SLC9B1: variants seen among roughly 807,000 people sequenced by gnomAD.
SLC9B1 encodes solute carrier family 9 member B1.
A neutral mutation model predicts 51.7 loss-of-function variants in SLC9B1; 32 were observed. The ratio of observed to expected loss-of-function variants is 0.62; its 90% CI spans 0.47 to 0.83. SLC9B1 has a LOEUF of 0.83. Ranked by LOEUF, SLC9B1 falls within the 40% of genes least tolerant of loss-of-function variation. The pLI, the probability that SLC9B1 is intolerant of heterozygous loss-of-function variation, is 0.00. For synonymous variants in SLC9B1, 145 were observed against 212.7 expected (o/e 0.68, Z 2.77); for missense variants, 406 against 613.2 (o/e 0.66, Z 3.57).
In SLC9B1 at chr4:102,885,080, T is replaced by G. The variant is rs550618386; in HGVS notation, c.*153A>C. On this transcript the variant is annotated 3_prime_UTR_variant, in exon 12 of 12. Coordinates refer to the SLC9B1 transcript ENST00000394789. ...AGAGCTGGCTTTATTGTGTTATTTA[T>G]TCACAGTTTTATGGATCCATTAAAA... 4.1e-6 allele frequency: 3 copies of G among 730,636 alleles called. No individual in the cohort carries two copies. The South Asian group carries it at 4.5e-5, about 11-fold the overall frequency. The allele number at this position is 730,636 out of a possible 1,614,324, so 45.3% of individuals were successfully genotyped here. A position where few individuals can be genotyped will look rare whatever the true frequency, so the allele number is the denominator to read the frequency against.
At chr4:102,901,355 G>C (rs1156533356) in intron 11 of SLC9B1, 23 bp from the exon 12 acceptor site, 1 of 1,610,264 alleles carries the variant, frequency 6.2e-7, no homozygotes, top group African/African-American at 1.3e-5. Context: ...GTAAAAATGG[G>C]GCATAAAGAA....
intron 1 of SLC9B1, among the ~76,000 whole-genome samples, chr4:103,005,120 G>GC (rs1740713413): frequency 6.6e-6 from 1 of 151,938 alleles, no homozygotes; most frequent in Non-Finnish European, 1.5e-5. Flanking sequence ...TGAGCCAAAT[G>GC]CCCCAATTAA....
intron 3 of SLC9B1, among the ~76,000 whole-genome samples, chr4:102,969,144 A>C (rs1738602163): frequency 6.6e-6 from 1 of 152,230 alleles, no homozygotes; most frequent in Non-Finnish European, 1.5e-5. Flanking sequence ...ACTTCTGCAG[A>C]CTTAAACGTC....
At chr4:102,950,327 G>A (rs1737483691) in intron 3 of SLC9B1, among the ~76,000 whole-genome samples, 2 of 152,202 alleles carry the variant, frequency 1.3e-5, no homozygotes, top group South Asian at 4.1e-4. Context: ...TGTGTAGGAA[G>A]TAGAGGTAGA....
rs200515731 is a variant in SLC9B1, at chr4:102,926,778, G to A, written c.829+5346C>T. The stretch of plus-strand genomic sequence containing the variant: ...AAAGTTCATATGGAACCAAAAAAGA[G>A]CCTGCATTGCCAAGACAATCCTAAG... On this transcript the variant is annotated intron_variant, in intron 7 of 11. Transcript: ENST00000296422. Among the ~76,000 whole-genome samples the A allele has an allele frequency of 1.9e-3, 286 of 150,144 alleles. 1 individual carries two copies. The highest frequency in any genetic ancestry group is 0.011 in the Middle Eastern group (3 of 282).
At chr4:103,012,103 T>C (rs1309231037) in intron 1 of SLC9B1, among the ~76,000 whole-genome samples, 3 of 152,246 alleles carry the variant, frequency 2.0e-5, no homozygotes, top group Non-Finnish European at 4.4e-5. Flanking sequence ...TTTTTGATTA[T>C]AAATTCCATC....
chr4:102,885,941 A>T (rs1422711946), intron 11 of SLC9B1, among the ~76,000 whole-genome samples: 23 of 152,204 alleles, frequency 1.5e-4, no homozygotes, highest in Admixed American at 1.5e-3. Flanking sequence ...ATGATTTTTA[A>T]TGTGGGAAGG....
At chr4:102,973,683 C>A (rs933221698) in intron 3 of SLC9B1, among the ~76,000 whole-genome samples, 1 of 152,020 alleles carries the variant, frequency 6.6e-6, no homozygotes, top group Non-Finnish European at 1.5e-5. Context: ...GTGGCTTATA[C>A]TCTGTAACTA....
At chr4:102,957,243 A>G (rs111916218) in intron 3 of SLC9B1, among the ~76,000 whole-genome samples, 283 of 152,344 alleles carry the variant, frequency 1.9e-3, no homozygotes, top group African/African-American at 6.6e-3. Context: ...GAGAGATAAG[A>G]GGGCAGAAAA....
At chr4:102,927,058 T>C (rs1736221429) in intron 7 of SLC9B1, among the ~76,000 whole-genome samples, 1 of 152,206 alleles carries the variant, frequency 6.6e-6, no homozygotes, top group Non-Finnish European at 1.5e-5. Flanking sequence ...TGTAGAAAGC[T>C]GAAACTGGAT....
chr4:102,895,804 A>G (rs1314894727), intron 11 of SLC9B1, among the ~76,000 whole-genome samples: 1 of 152,188 alleles, frequency 6.6e-6, no homozygotes, highest in African/African-American at 2.4e-5. Context: ...CAGTAAACAA[A>G]TCTAAAAGAA....
chr4:102,889,926 C>T (rs1218785224), intron 11 of SLC9B1: 1 of 152,082 alleles, frequency 6.6e-6, no homozygotes, highest in Non-Finnish European at 1.5e-5. Flanking sequence ...AGTAACTTGG[C>T]TCTTGAAATA....
chr4:102,900,218 G>A (rs186735334), downstream of SLC9B1, among the ~76,000 whole-genome samples: 70 of 152,224 alleles, frequency 4.6e-4, no homozygotes, highest in African/African-American at 1.3e-3. Context: ...TTTTAGAATC[G>A]TTTATATGAC....
chr4:102,933,806 C>G (rs1341599464), intron 6 of SLC9B1, among the ~76,000 whole-genome samples: 1 of 152,060 alleles, frequency 6.6e-6, no homozygotes, highest in African/African-American at 2.4e-5. Context: ...TGAAGATAGT[C>G]TATACTTTTA....
chr4:102,932,134 G>C lies in SLC9B1; in HGVS notation c.819C>G (p.Val273=). 6.2e-7 allele frequency: 1 copy of C among 1,611,878 alleles called. No individual in the cohort carries two copies. The highest frequency in any genetic ancestry group is 8.5e-7 in the Non-Finnish European group (1 of 1,179,730). The change falls in exon 7 of 12, where the codon GTC becomes GTG. Residue 273 remains valine, a synonymous_variant. Coordinates refer to ENST00000296422, the MANE Select transcript of SLC9B1 (RefSeq NM_139173.4). Reference sequence around the variant, plus strand: ...TATTTTCTTGTTTACCTGAGGAAAAGACTATGCTCAAGCATGTATTGAATC... The same window carrying C: ...TATTTTCTTGTTTACCTGAGGAAAACACTATGCTCAAGCATGTATTGAATC... ...ITGFNTCLSI[V]FSSGGILNNA...
intron 3 of SLC9B1, among the ~76,000 whole-genome samples, chr4:102,981,471 G>T (rs1347315298): frequency 6.6e-6 from 1 of 152,100 alleles, no homozygotes; most frequent in East Asian, 1.9e-4. Flanking sequence ...ACTCCCACCT[G>T]CAATGAATGA....
intron 3 of SLC9B1, 65 bp from the exon 4 acceptor site, chr4:102,949,492 C>A (rs1737437436): frequency 7.6e-7 from 1 of 1,317,382 alleles, no homozygotes; most frequent in Non-Finnish European, 1.0e-6. Flanking sequence ...AACAAAGGAT[C>A]AATTCTCTTT....
At chr4:102,899,769 C>T (rs1178216894), downstream of SLC9B1, among the ~76,000 whole-genome samples, 3 of 152,064 alleles carry the variant, frequency 2.0e-5, no homozygotes, top group African/African-American at 7.2e-5. Context: ...AAATAGTAGT[C>T]AAAACACTGG....
intron 3 of SLC9B1, among the ~76,000 whole-genome samples, chr4:102,972,816 A>G (rs1487622942): frequency 6.6e-6 from 1 of 152,236 alleles, no homozygotes; most frequent in Admixed American, 6.5e-5. Flanking sequence ...ATTGGAACAA[A>G]AGTACTGGAA....
Sources: allele counts gnomAD v4.1 joint callset (sites outside exome capture counted in the v4.1 genomes callset), GRCh38; gene constraint gnomAD v4.1.1; transcripts MANE v1.5; gene names NCBI Gene and HGNC (gene_info 2026-07-23, HGNC 2026-07-21).